Variants in SPRY3 observed in about 807,000 individuals in gnomAD.
SPRY3 encodes sprouty RTK signaling antagonist 3.
SPRY3 carries 15 observed loss-of-function variants against 20.2 expected under a neutral mutation model. The ratio of observed to expected loss-of-function variants is 0.74; its 90% CI spans 0.50 to 1.14. The LOEUF (loss-of-function observed/expected upper bound fraction) is 1.14, where lower values mean the gene tolerates loss of function less well. Among genes scored for constraint, SPRY3 ranks in the 50% most tolerant of loss-of-function variants. SPRY3 has a pLI of 0.00. For missense variants in SPRY3, 364 were observed against 363.9 expected, an observed-to-expected ratio of 1.00 and a Z score of 0.00; for synonymous variants, 143 against 136.5, an observed-to-expected ratio of 1.05 and a Z score of -0.33.
At chrX:155,758,083 T>A (rs1433276251) in intron 2 of SPRY3, among the ~76,000 whole-genome samples, 1 of 152,196 alleles carries the variant, frequency 6.6e-6, no homozygotes, top group Non-Finnish European at 1.5e-5. Flanking sequence ...AACCCCTCTG[T>A]TCTTCTATCC....
intron 2 of SPRY3, among the ~76,000 whole-genome samples, chrX:155,739,853 G>A (rs756478301): frequency 6.6e-6 from 1 of 152,274 alleles, no homozygotes; most frequent in East Asian, 1.9e-4. Flanking sequence ...AACCCACAAA[G>A]ATGAGAAAGA....
intron 1 of SPRY3, among the ~76,000 whole-genome samples, chrX:155,647,899 C>T (rs1418715987): frequency 7.2e-5 from 8 of 111,610 alleles, no homozygotes; most frequent in African/African-American, 2.3e-4. Context: ...CCACAATGGT[C>T]GAACTAATTA....
intron 2 of SPRY3, among the ~76,000 whole-genome samples, chrX:155,735,995 T>A (rs957690506): frequency 5.3e-5 from 8 of 151,920 alleles, no homozygotes; most frequent in African/African-American, 1.9e-4. Context: ...AAATTTTAAG[T>A]GGTTGTCCTA....
chrX:155,706,014 A>G (rs929554201), intron 2 of SPRY3, among the ~76,000 whole-genome samples: 18 of 151,438 alleles, frequency 1.2e-4, no homozygotes, highest in Non-Finnish European at 1.8e-4. Flanking sequence ...ACTAACAAGA[A>G]CTAATTGACA....
chrX:155,755,695 C>A (rs916074105), intron 2 of SPRY3, among the ~76,000 whole-genome samples: 1 of 151,998 alleles, frequency 6.6e-6, no homozygotes, highest in Non-Finnish European at 1.5e-5. Context: ...TGTCTCCAGC[C>A]TGGGAAGATT....
At chrX:155,639,577 C>T (rs782208106) in intron 1 of SPRY3, among the ~76,000 whole-genome samples, 1 of 112,266 alleles carries the variant, frequency 8.9e-6, no homozygotes, top group Non-Finnish European at 1.9e-5. Context: ...GAATAATATT[C>T]TGCTGTATGT....
chrX:155,631,251 C>T (rs1557350485), intron 1 of SPRY3, among the ~76,000 whole-genome samples: 1 of 112,173 alleles, frequency 8.9e-6, no homozygotes, highest in African/African-American at 3.2e-5. Context: ...CCAACTGTAT[C>T]CATATTTCTC....
chrX:155,734,353 G>T (rs2091154097), intron 2 of SPRY3, among the ~76,000 whole-genome samples: 1 of 152,018 alleles, frequency 6.6e-6, no homozygotes, highest in Admixed American at 6.6e-5. Context: ...TGGCCAGTCA[G>T]TGGAGCAGTC....
At chrX:155,714,426 C>T (rs772254187) in intron 2 of SPRY3, among the ~76,000 whole-genome samples, 2 of 152,274 alleles carry the variant, frequency 1.3e-5, no homozygotes, top group African/African-American at 4.8e-5. Flanking sequence ...CATAGAGGTA[C>T]CACCGTGGTG....
intron 2 of SPRY3, among the ~76,000 whole-genome samples, chrX:155,744,739 A>T (rs1333369649): frequency 3.9e-5 from 6 of 152,082 alleles, no homozygotes; most frequent in Non-Finnish European, 1.5e-5. Flanking sequence ...GGAAGGAAAC[A>T]AAGTCTTCAA....
chrX:155,749,622 G>A (rs1197200863), intron 2 of SPRY3, among the ~76,000 whole-genome samples: 1 of 151,834 alleles, frequency 6.6e-6, no homozygotes, highest in Non-Finnish European at 1.5e-5. Context: ...AGTGGGCTGT[G>A]TGAGAAAGAG....
chrX:155,774,427 A>C (rs2091407732), exon 4 of SPRY3: 2 of 1,613,860 alleles, frequency 1.2e-6, no homozygotes, highest in Admixed American at 1.7e-5. Context: ...CGATTATGGC[A>C]CTTGTCTCTG....
intron 2 of SPRY3, among the ~76,000 whole-genome samples, chrX:155,764,478 C>T (rs186276649): frequency 4.7e-4 from 71 of 152,184 alleles, no homozygotes; most frequent in Middle Eastern, 6.8e-3. Context: ...CTTTTAGAAA[C>T]AAAACAGCTT....
intron 3 of SPRY3, among the ~76,000 whole-genome samples, chrX:155,769,578 C>T (rs2091368587): frequency 1.3e-5 from 2 of 152,248 alleles, no homozygotes; most frequent in East Asian, 3.9e-4. Flanking sequence ...GAACAACCAG[C>T]TTCTTCTTAC....
At position 155,694,493 on chromosome X, in the gene SPRY3, A is replaced by G. The variant is rs181443987; in HGVS notation, c.-282+37468A>G. On this transcript the variant is annotated intron_variant, in intron 2 of 3. Transcript: ENST00000675360. Reference sequence around the variant, plus strand: ...TTGGCACCAGGCACCAGTTTCATGGAAGACAATTTTTCCATGGACCGGGGT... The same window carrying G: ...TTGGCACCAGGCACCAGTTTCATGGGAGACAATTTTTCCATGGACCGGGGT... Among the ~76,000 whole-genome samples the G allele has an allele frequency of 3.6e-3, 403 of 111,599 alleles. 6 individuals carry two copies. The highest frequency in any genetic ancestry group is 0.012 in the African/African-American group (384 of 30,733).
intron 2 of SPRY3, among the ~76,000 whole-genome samples, chrX:155,678,813 G>T (rs906851840): frequency 4.5e-5 from 5 of 112,099 alleles, no homozygotes; most frequent in Non-Finnish European, 9.4e-5. Flanking sequence ...AGCAACGTTT[G>T]ATTTTGAAAA....
chrX:155,747,733 T>C (rs2091235380), intron 2 of SPRY3, among the ~76,000 whole-genome samples: 1 of 151,980 alleles, frequency 6.6e-6, no homozygotes, highest in African/African-American at 2.4e-5. Context: ...AGGCCAACTC[T>C]GAGGAAGACA....
intron 2 of SPRY3, among the ~76,000 whole-genome samples, chrX:155,664,478 A>G (rs1488525272): frequency 9.1e-6 from 1 of 109,470 alleles, no homozygotes; most frequent in African/African-American, 3.3e-5. Flanking sequence ...TAAAGCCATA[A>G]TATTTTTAAA....
At chrX:155,776,287 A>G (rs746145777) in exon 4 of SPRY3, 17 of 167,256 alleles carry the variant, frequency 1.0e-4, no homozygotes, top group Admixed American at 7.2e-4. Flanking sequence ...AAAAGCTTAA[A>G]GAAGCCCTAA....
Sources: gnomAD v4.1 joint callset for allele counts (sites outside exome capture counted in the v4.1 genomes callset) on GRCh38, gnomAD v4.1.1 for gene constraint, MANE v1.5 for transcripts, NCBI Gene and HGNC (gene_info 2026-07-23, HGNC 2026-07-21) for gene names.